The following HIGD1C variants were observed in gnomAD, a reference collection of about 807,000 sequenced individuals.
HIGD1C encodes the protein HIG1 domain family member 1C.
HIGD1C carries 11 observed loss-of-function variants against 13.1 expected under a neutral mutation model. The ratio of observed to expected loss-of-function variants is 0.84; its 90% CI spans 0.53 to 1.39. HIGD1C has a LOEUF of 1.39. HIGD1C is among the 40% of genes most tolerant of loss of function. HIGD1C has a pLI of 0.00. For synonymous variants in HIGD1C, 36 were observed against 37.7 expected (o/e 0.95, Z 0.17); for missense variants, 110 against 112.0 (o/e 0.98, Z 0.08).
At chr12:50,971,439 C>A (rs933399085), downstream of HIGD1C, among the ~76,000 whole-genome samples, 5 of 152,138 alleles carry the variant, frequency 3.3e-5, no homozygotes, top group African/African-American at 1.2e-4. Context: ...TAAAGTAGTT[C>A]TAGGAATACA....
chr12:50,945,561 C>T, the HIGD1C span, among the ~76,000 whole-genome samples: 2 of 152,290 alleles, frequency 1.3e-5, no homozygotes, highest in African/African-American at 4.8e-5. Flanking sequence ...CTACAAACCA[C>T]TGCTCAACGA....
the HIGD1C span, among the ~76,000 whole-genome samples, chr12:50,935,642 G>A: frequency 6.6e-6 from 1 of 152,102 alleles, no homozygotes. Context: ...GCATGCACCA[G>A]CACACCTGGT....
chr12:50,955,710 G>A (rs1939068291), intron 1 of HIGD1C, among the ~76,000 whole-genome samples: 1 of 152,028 alleles, frequency 6.6e-6, no homozygotes, highest in Non-Finnish European at 1.5e-5. Flanking sequence ...ACTTATAATA[G>A]CACCCATAAG....
At chr12:50,948,923 AGGGGGAGG>A (rs1565952675), upstream of HIGD1C, among the ~76,000 whole-genome samples, 2 of 996 alleles carry the variant, frequency 2.0e-3, no homozygotes, top group Non-Finnish European at 3.2e-3. Context: ...GGAGGGGGGG[AGGGGGAGG>A]GGAGGAGGAG....
At chr12:50,966,218 G>A (rs1939536791) in intron 2 of HIGD1C, among the ~76,000 whole-genome samples, 1 of 152,162 alleles carries the variant, frequency 6.6e-6, no homozygotes, top group African/African-American at 2.4e-5. Flanking sequence ...AGTTTGCACT[G>A]TCATTTCTGG....
chr12:50,936,341 C>T, the HIGD1C span, among the ~76,000 whole-genome samples: 12 of 152,236 alleles, frequency 7.9e-5, no homozygotes, highest in Admixed American at 2.0e-4. Flanking sequence ...AACTCCTGGG[C>T]TCAAGCAATT....
intron 1 of HIGD1C, among the ~76,000 whole-genome samples, 158 bp from the exon 4 acceptor site, chr12:50,960,810 G>A (rs924338890): frequency 6.6e-6 from 1 of 151,858 alleles, no homozygotes; most frequent in African/African-American, 2.4e-5. Flanking sequence ...AGCCTCCTGA[G>A]TAGCTGGGAC....
chr12:50,937,531 C>T, the HIGD1C span, among the ~76,000 whole-genome samples: 79 of 152,240 alleles, frequency 5.2e-4, 2 homozygotes, highest in South Asian at 3.7e-3. Context: ...TGCAACGTGA[C>T]GAGCAGGAAG....
At chr12:50,938,133 C>T in the HIGD1C span, among the ~76,000 whole-genome samples, 1 of 152,122 alleles carries the variant, frequency 6.6e-6, no homozygotes, top group Non-Finnish European at 1.5e-5. Context: ...CCCTCCACAG[C>T]GCCCAGGCTG....
At chr12:50,952,788 C>T (rs1182967027), upstream of HIGD1C, among the ~76,000 whole-genome samples, 1 of 152,186 alleles carries the variant, frequency 6.6e-6, no homozygotes, top group Admixed American at 6.5e-5. Context: ...CTGGCTAGGG[C>T]GTGTTTCCGA....
the HIGD1C span, among the ~76,000 whole-genome samples, chr12:50,948,260 G>A: frequency 6.6e-6 from 1 of 152,158 alleles, no homozygotes; most frequent in Non-Finnish European, 1.5e-5. Context: ...TAACAAATAA[G>A]TTATTGAATA....
the HIGD1C span, chr12:50,931,918 G>A: frequency 1.3e-5 from 2 of 152,190 alleles, no homozygotes; most frequent in East Asian, 1.9e-4. Flanking sequence ...TATTCTTAGC[G>A]TCACTGGTCT....
chr12:50,942,363 C>T, the HIGD1C span, among the ~76,000 whole-genome samples: 1 of 152,194 alleles, frequency 6.6e-6, no homozygotes, highest in Non-Finnish European at 1.5e-5. Context: ...CACTTACTGC[C>T]CACAACCAGT....
At chr12:50,957,897 C>A (rs1939161337) in intron 1 of HIGD1C, among the ~76,000 whole-genome samples, 1 of 143,774 alleles carries the variant, frequency 7.0e-6, no homozygotes. Context: ...AGAAAAAAAA[C>A]AAAACAAAAA....
the HIGD1C span, among the ~76,000 whole-genome samples, chr12:50,937,312 G>A: frequency 6.6e-6 from 1 of 152,208 alleles, no homozygotes; most frequent in African/African-American, 2.4e-5. Context: ...TCTGTACTCA[G>A]CCTGCAGCTG....
At chr12:50,956,094 A>G (rs1308350061) in intron 1 of HIGD1C, among the ~76,000 whole-genome samples, 2 of 152,210 alleles carry the variant, frequency 1.3e-5, no homozygotes, top group East Asian at 1.9e-4. Flanking sequence ...AAAATAAATA[A>G]TGATAAAATT....
At chr12:50,968,098 G>T (rs1344872514) in intron 2 of HIGD1C, among the ~76,000 whole-genome samples, 4 of 147,976 alleles carry the variant, frequency 2.7e-5, no homozygotes, top group East Asian at 2.0e-4. Flanking sequence ...ATAATAAGAA[G>T]AAGAAGGAGG....
chr12:50,959,033 A>G (rs1444560448), intron 1 of HIGD1C, among the ~76,000 whole-genome samples: 2 of 152,012 alleles, frequency 1.3e-5, no homozygotes, highest in African/African-American at 4.8e-5. Flanking sequence ...AAAACAAACA[A>G]AAAAAAGATG....
At chr12:50,934,196 T>C in the HIGD1C span, among the ~76,000 whole-genome samples, 2 of 152,236 alleles carry the variant, frequency 1.3e-5, no homozygotes, top group East Asian at 1.9e-4. Flanking sequence ...TGTCTTCCTA[T>C]GGGAGATCAT....
Sources: gnomAD v4.1 joint callset for allele counts (sites outside exome capture counted in the v4.1 genomes callset) on GRCh38, gnomAD v4.1.1 for gene constraint, MANE v1.5 for transcripts, NCBI Gene and HGNC (gene_info 2026-07-23, HGNC 2026-07-21) for gene names.